Variants in ABCA13 observed in about 807,000 individuals in gnomAD.
ABCA13 encodes ATP-binding cassette sub-family A member 13.
Under a neutral mutation model 478.7 loss-of-function variants are expected in ABCA13, and 476 were observed. The observed-to-expected ratio is 0.99, with a 90% CI of 0.92 to 1.07. The LOEUF (loss-of-function observed/expected upper bound fraction) is 1.07. ABCA13 is among the 50% of genes least tolerant of loss of function. The pLI is 0.00. For missense variants in ABCA13, 6,060 were observed against 5,910.6 expected (o/e 1.03, Z -0.83); for synonymous variants, 2,252 against 2,158.9 (o/e 1.04, Z -1.20).
intron 3 of ABCA13, among the ~76,000 whole-genome samples, chr7:48,201,930 C>T (rs928985297): frequency 4.6e-5 from 7 of 151,882 alleles, no homozygotes; most frequent in East Asian, 1.9e-4. Flanking sequence ...TTCGTGGTCT[C>T]GCTGGCTCAG....
intron 27 of ABCA13, among the ~76,000 whole-genome samples, chr7:48,334,280 G>A (rs1184700572): frequency 6.6e-6 from 1 of 151,936 alleles, no homozygotes; most frequent in African/African-American, 2.4e-5. Context: ...TGCCAGGCCT[G>A]GTGCCAAGGT....
At chr7:48,312,685 T>G (rs1801953955) in intron 24 of ABCA13, among the ~76,000 whole-genome samples, 1 of 152,242 alleles carries the variant, frequency 6.6e-6, no homozygotes, top group Non-Finnish European at 1.5e-5. Context: ...GTGAATGCTA[T>G]GAATACTGTA....
intron 42 of ABCA13, among the ~76,000 whole-genome samples, chr7:48,449,328 T>A (rs1393324414): frequency 6.6e-6 from 1 of 152,212 alleles, no homozygotes; most frequent in African/African-American, 2.4e-5. Flanking sequence ...CCTCTTCCCT[T>A]TTCTATTCTT....
At chr7:48,287,932 T>C (rs1797988673) in intron 19 of ABCA13, 28 bp from the exon 20 acceptor site, 1 of 1,577,688 alleles carries the variant, frequency 6.3e-7, no homozygotes, top group Admixed American at 1.7e-5. Context: ...TGTCTATTAA[T>C]TATTTCTCTG....
At chr7:48,427,578 G>A (rs1821601574) in intron 41 of ABCA13, among the ~76,000 whole-genome samples, 188 bp from the exon 42 acceptor site, 1 of 152,120 alleles carries the variant, frequency 6.6e-6, no homozygotes, top group Admixed American at 6.5e-5. Flanking sequence ...GCATCCTATG[G>A]GTAGCCTGTT....
At chr7:48,250,165 A>G (rs1424243762) in intron 15 of ABCA13, among the ~76,000 whole-genome samples, 2 of 152,208 alleles carry the variant, frequency 1.3e-5, no homozygotes, top group East Asian at 1.9e-4. Flanking sequence ...GAAGAAATGC[A>G]TAGGGTGAGG....
chr7:48,591,604 G>A (rs1175370663), intron 57 of ABCA13, among the ~76,000 whole-genome samples: 1 of 151,946 alleles, frequency 6.6e-6, no homozygotes. Context: ...TTCAATCCAT[G>A]TACATGGATA....
At chr7:48,604,768 G>A (rs1269303660) in intron 58 of ABCA13, among the ~76,000 whole-genome samples, 1 of 152,134 alleles carries the variant, frequency 6.6e-6, no homozygotes, top group Non-Finnish European at 1.5e-5. Flanking sequence ...CTGAGTTCAA[G>A]TCCTGGATAT....
At chr7:48,550,308 T>G (rs55903755) in intron 55 of ABCA13, among the ~76,000 whole-genome samples, 20,061 of 149,838 alleles carry the variant, frequency 0.13, 1,801 homozygotes, top group African/African-American at 0.22. Context: ...CCAGGCTGGA[T>G]TGCAGTGGTG....
intron 29 of ABCA13, among the ~76,000 whole-genome samples, chr7:48,346,490 A>G (rs1808123979): frequency 6.6e-6 from 1 of 152,042 alleles, no homozygotes; most frequent in Non-Finnish European, 1.5e-5. Context: ...GAGAAATTTA[A>G]CAATCTCCAC....
chr7:48,578,448 T>A (rs1434173271), intron 55 of ABCA13, among the ~76,000 whole-genome samples: 1 of 152,114 alleles, frequency 6.6e-6, no homozygotes, highest in East Asian at 1.9e-4. Flanking sequence ...GAATTTGAAA[T>A]TTTAAAAACA....
At chr7:48,297,425 A>C in intron 22 of ABCA13, 114 bp downstream of exon 22, 1 of 1,020,156 alleles carries the variant, frequency 9.8e-7, no homozygotes, top group Non-Finnish European at 1.4e-6. Flanking sequence ...TGTGATACAT[A>C]ATCATTTACA....
chr7:48,506,275 G>T (rs557680819), intron 48 of ABCA13, 61 bp from the exon 49 acceptor site: 16 of 1,542,584 alleles, frequency 1.0e-5, no homozygotes, highest in Non-Finnish European at 1.4e-5. Context: ...GCCTGTAGAT[G>T]AGCTGCGATT....
chr7:48,399,896 T>A (rs1426145639), intron 38 of ABCA13, among the ~76,000 whole-genome samples: 2 of 152,180 alleles, frequency 1.3e-5, no homozygotes, highest in African/African-American at 4.8e-5. Context: ...AGAACAGGAT[T>A]TATGATGGGT....
At chr7:48,623,105 C>T (rs956943991) in intron 59 of ABCA13, among the ~76,000 whole-genome samples, 3 of 152,164 alleles carry the variant, frequency 2.0e-5, no homozygotes, top group African/African-American at 4.8e-5. Context: ...TTCCCAGAGC[C>T]GTAAGCATGA....
chr7:48,190,357 G>A (rs1288740211), intron 1 of ABCA13, among the ~76,000 whole-genome samples: 1 of 152,098 alleles, frequency 6.6e-6, no homozygotes, highest in Non-Finnish European at 1.5e-5. Context: ...GTATGTTGCT[G>A]TCTTGTTATC....
At chr7:48,498,699 C>T (rs918414608) in intron 48 of ABCA13, among the ~76,000 whole-genome samples, 15 of 152,070 alleles carry the variant, frequency 9.9e-5, no homozygotes, top group African/African-American at 3.6e-4. Flanking sequence ...AGTACACAGG[C>T]CACAGAGATA....
In ABCA13 at chr7:48,248,265, T is replaced by C. The variant is rs1792007941; in HGVS notation, c.1686T>C (p.Thr562=). 1 of 1,613,602 alleles carries C rather than the reference T, an allele frequency of 6.2e-7. No homozygotes were observed. Among genetic ancestry groups the C allele is most frequent in the African/African-American group, 1.3e-5 (1 of 74,930 alleles). Residue 562 remains threonine, a synonymous_variant, in exon 14 of 62, where the codon ACT becomes ACC. Coordinates refer to ENST00000435803, the MANE Select transcript of ABCA13 (RefSeq NM_152701.5). ...ATCGTATTTTGCAAGAGGTCATTACTTGGCACAAAAATATGTCAGTTTTAA... is the reference window on the plus strand; with the variant it reads ...ATCGTATTTTGCAAGAGGTCATTACCTGGCACAAAAATATGTCAGTTTTAA... The part of the protein sequence containing the change: ...DADRILQEVI[T]WHKNMSVLIP...
In ABCA13 at chr7:48,495,943, A is replaced by G. The variant is rs1429699849; in HGVS notation, c.13291+6599A>G. Among the ~76,000 whole-genome samples, 5 of 152,062 alleles carry G rather than the reference A, an allele frequency of 3.3e-5. No homozygotes were observed. The South Asian group carries it at 1.0e-3, about 31-fold the overall frequency. On this transcript the variant is annotated intron_variant, in intron 48 of 61. Coordinates refer to ENST00000435803, the MANE Select transcript of ABCA13 (RefSeq NM_152701.5). ...ACTCCTTCTCTTTTTCTTTTGATTA[A>G]TGTTTACATAATATATCTTTCCCGT... is the stretch of plus-strand genomic sequence containing the variant.
Sources: allele counts gnomAD v4.1 joint callset (sites outside exome capture counted in the v4.1 genomes callset), GRCh38; gene constraint gnomAD v4.1.1; transcripts MANE v1.5; gene names NCBI Gene and HGNC (gene_info 2026-07-23, HGNC 2026-07-21).